Variants in PI4K2A observed in about 807,000 individuals in gnomAD.
The protein encoded by PI4K2A is phosphatidylinositol 4-kinase type 2 alpha, also known as phosphatidylinositol 4-kinase type 2-alpha.
PI4K2A carries 20 observed loss-of-function variants against 55.0 expected under a neutral mutation model. The ratio of observed to expected loss-of-function variants is 0.36; its 90% CI spans 0.26 to 0.53. The LOEUF (loss-of-function observed/expected upper bound fraction) is 0.53, where lower values mean the gene tolerates loss of function less well. Among genes scored for constraint, PI4K2A ranks in the 20% least tolerant of loss-of-function variants. The probability of loss-of-function intolerance (pLI) is 0.91; values close to 1 mark genes in which losing one functional copy is unlikely to be tolerated. For missense variants in PI4K2A, 463 were observed against 637.1 expected (o/e 0.73, Z 2.94); for synonymous variants, 235 against 258.5 (o/e 0.91, Z 0.87).
In PI4K2A at chr10:97,651,277, G is replaced by C. The variant is rs753005960; in HGVS notation, c.636+136G>C. 6.6e-5 allele frequency: 42 copies of C among 635,306 alleles called. No individual in the cohort carries two copies. In the East Asian group the frequency reaches 1.1e-3, roughly 17 times the overall value. 39.4% of individuals were successfully genotyped at this position (635,306 alleles called of 1,614,324 possible). On this transcript the variant is annotated intron_variant, in intron 2 of 8. Transcript: ENST00000370631. ...AAGTCTGGGTTCTCGATCTTTTTTC[G>C]GGAGGATGGCAGGATTAGGCTTATG...
At chr10:97,672,802 G>T (rs2041643153) in intron 8 of PI4K2A, among the ~76,000 whole-genome samples, 1 of 126,820 alleles carries the variant, frequency 7.9e-6, no homozygotes, top group Non-Finnish European at 1.5e-5. Flanking sequence ...CATGATCTCA[G>T]CTCACTGCAA....
Position 97,661,214 on chromosome 10 carries a change from A to G in PI4K2A, c.923-1693A>G, listed in dbSNP as rs368769242. The stretch of plus-strand genomic sequence containing the variant: ...CACCGTGTTAGCCAGGATGGTCTCG[A>G]TCTCCTGACCTCGTGATCCGCCCAC... On this transcript the variant is annotated intron_variant, in intron 4 of 8. Coordinates refer to ENST00000370631, the Ensembl canonical transcript of PI4K2A. 3.3e-5 allele frequency among the ~76,000 whole-genome samples: 5 copies of G among 152,102 alleles called. No individual in the cohort carries two copies. In the East Asian group the frequency reaches 7.7e-4, roughly 24 times the overall value.
At chr10:97,670,020 C>A (rs559999678) in intron 8 of PI4K2A, among the ~76,000 whole-genome samples, 19 of 152,130 alleles carry the variant, frequency 1.2e-4, no homozygotes, top group Non-Finnish European at 1.6e-4. Context: ...AGTCCTCCCC[C>A]CTCAGCCTCC....
chr10:97,666,150 C>T (rs558892539), intron 6 of PI4K2A, among the ~76,000 whole-genome samples: 65 of 152,250 alleles, frequency 4.3e-4, no homozygotes, highest in South Asian at 8.3e-4. Context: ...TTCAGAAGGA[C>T]CATCTCAGCG....
intron 4 of PI4K2A, among the ~76,000 whole-genome samples, chr10:97,659,134 A>C (rs1589935467): frequency 6.6e-6 from 1 of 152,170 alleles, no homozygotes; most frequent in East Asian, 1.9e-4. Flanking sequence ...TCCTGGGCTC[A>C]AGTGATCTTC....
chr10:97,652,698 A>G (rs1357377787), intron 2 of PI4K2A, among the ~76,000 whole-genome samples: 4 of 152,168 alleles, frequency 2.6e-5, no homozygotes, highest in Non-Finnish European at 5.9e-5. Context: ...AAATGTGACT[A>G]TTGTGGATAT....
chr10:97,642,633 C>G (rs1177459721), intron 1 of PI4K2A, among the ~76,000 whole-genome samples: 1 of 151,920 alleles, frequency 6.6e-6, no homozygotes, highest in African/African-American at 2.4e-5. Flanking sequence ...TTGTGATCTG[C>G]CCACCTCGGC....
chr10:97,652,098 A>T (rs2041532394), intron 2 of PI4K2A, among the ~76,000 whole-genome samples: 1 of 152,090 alleles, frequency 6.6e-6, no homozygotes, highest in African/African-American at 2.4e-5. Flanking sequence ...ACTAAAACTA[A>T]ATTTATTTAG....
chr10:97,650,024 T>C (rs1245612278), intron 1 of PI4K2A, among the ~76,000 whole-genome samples: 1 of 151,938 alleles, frequency 6.6e-6, no homozygotes, highest in East Asian at 1.9e-4. Flanking sequence ...GAAATTAGAG[T>C]TTATGATGTT....
chr10:97,648,348 TC>T (rs1325659828), intron 1 of PI4K2A, among the ~76,000 whole-genome samples: 1 of 152,062 alleles, frequency 6.6e-6, no homozygotes, highest in Non-Finnish European at 1.5e-5. Context: ...CTCCTTGGCC[TC>T]CCAAAGTGCT....
At position 97,651,159 on chromosome 10, in the gene PI4K2A, A is replaced by G. The variant is rs767029219; in HGVS notation, c.636+18A>G. 37 of 1,602,970 alleles carry G rather than the reference A, an allele frequency of 2.3e-5. No homozygotes were observed. The highest frequency in any genetic ancestry group is 2.8e-5 in the Non-Finnish European group (33 of 1,171,650). ...GTACAAAGGTCAGTGACCCATCTCCAGGAAGCCTTACTGCCTGGCCACAGT... is the reference window on the plus strand; with the variant it reads ...GTACAAAGGTCAGTGACCCATCTCCGGGAAGCCTTACTGCCTGGCCACAGT... On this transcript the variant is annotated intron_variant, in intron 2 of 8. Transcript: ENST00000370631.
intron 7 of PI4K2A, 65 bp downstream of exon 7, chr10:97,666,636 T>C: frequency 1.4e-6 from 2 of 1,431,714 alleles, no homozygotes; most frequent in Non-Finnish European, 9.6e-7. Flanking sequence ...GTTTTTTTAA[T>C]TGGTCCTGAC....
At chr10:97,649,609 A>ATTTTTTTTTTTTTTTTTT (rs60329004) in intron 1 of PI4K2A, among the ~76,000 whole-genome samples, 2 of 70,502 alleles carry the variant, frequency 2.8e-5, no homozygotes, top group Non-Finnish European at 6.2e-5. Context: ...TCCATAATAG[A>ATTTTTTTTTTTTTTTTTT]TTTTTTTTTT....
chr10:97,647,141 T>G (rs932899436), intron 1 of PI4K2A, among the ~76,000 whole-genome samples: 5 of 152,110 alleles, frequency 3.3e-5, no homozygotes, highest in African/African-American at 1.2e-4. Flanking sequence ...CTTGCTTTCT[T>G]GTGTGATTTG....
chr10:97,654,032 G>C (rs2135755667), intron 2 of PI4K2A, among the ~76,000 whole-genome samples: 1 of 152,324 alleles, frequency 6.6e-6, no homozygotes, highest in South Asian at 2.1e-4. Context: ...CCCAACTCTT[G>C]TGACAGGACT....
At chr10:97,653,916 C>A (rs1056538070) in intron 2 of PI4K2A, among the ~76,000 whole-genome samples, 3 of 147,562 alleles carry the variant, frequency 2.0e-5, no homozygotes, top group African/African-American at 2.5e-5. Context: ...GACTCCGTCT[C>A]AAAAAAAAAA....
At chr10:97,654,138 G>GTCTCTGC (rs1181009730) in intron 2 of PI4K2A, among the ~76,000 whole-genome samples, 1 of 152,208 alleles carries the variant, frequency 6.6e-6, no homozygotes, top group African/African-American at 2.4e-5. Flanking sequence ...CTCACTGGCT[G>GTCTCTGC]TCTCTGCTCT....
intron 1 of PI4K2A, among the ~76,000 whole-genome samples, chr10:97,641,926 T>TA (rs577228826): frequency 8.9e-4 from 136 of 152,242 alleles, no homozygotes; most frequent in African/African-American, 3.1e-3. Context: ...CCCCTGCCTG[T>TA]ATATAAAGGG....
chr10:97,658,720 A>G (rs1451360740), intron 4 of PI4K2A, among the ~76,000 whole-genome samples: 2 of 151,996 alleles, frequency 1.3e-5, no homozygotes, highest in Non-Finnish European at 2.9e-5. Flanking sequence ...TTTCCTTTTC[A>G]TATTTAATCT....
Sources: gnomAD v4.1 joint callset for allele counts (sites outside exome capture counted in the v4.1 genomes callset) on GRCh38, gnomAD v4.1.1 for gene constraint, MANE v1.5 for transcripts, NCBI Gene and HGNC (gene_info 2026-07-23, HGNC 2026-07-21) for gene names.